TRAPPC9: variants seen among roughly 807,000 people sequenced by gnomAD.
TRAPPC9 encodes IKK2 binding protein.
A neutral mutation model predicts 124.0 loss-of-function variants in TRAPPC9; 83 were observed. The observed-to-expected ratio is 0.67, with a 90% CI of 0.56 to 0.80. TRAPPC9 has a LOEUF of 0.80. Among genes scored for constraint, TRAPPC9 ranks in the 30% least tolerant of loss-of-function variants. TRAPPC9 has a pLI of 0.00. For missense variants in TRAPPC9, 1,302 were observed against 1,508.3 expected (o/e 0.86, Z 2.27); for synonymous variants, 638 against 617.5 (o/e 1.03, Z -0.49).
chr8:139,965,122 G>A (rs901534199), intron 19 of TRAPPC9, among the ~76,000 whole-genome samples: 1 of 152,274 alleles, frequency 6.6e-6, no homozygotes, highest in African/African-American at 2.4e-5. Flanking sequence ...GGGGACACAG[G>A]GCCCAGCTGC....
In TRAPPC9 at chr8:139,774,069, C is replaced by T. The variant is rs559453420; in HGVS notation, c.3056-41867G>A. ...GGCTGGAGCTGCAGGCTGCTGAGAG[C>T]GCAGTGGGAGAGAGACAAGCTCCCC... On this transcript the variant is annotated intron_variant, in intron 21 of 22. Transcript: ENST00000438773. Among the ~76,000 whole-genome samples the T allele has an allele frequency of 3.9e-5, 6 of 152,254 alleles. No homozygotes were observed. In the East Asian group the frequency reaches 5.8e-4, roughly 15 times the overall value.
At chr8:139,859,287 C>T (rs984618363) in intron 21 of TRAPPC9, among the ~76,000 whole-genome samples, 3 of 151,980 alleles carry the variant, frequency 2.0e-5, no homozygotes, top group African/African-American at 4.8e-5. Flanking sequence ...GCTTTTAGGC[C>T]GGCTCCTTTC....
intron 9 of TRAPPC9, among the ~76,000 whole-genome samples, chr8:140,326,022 T>C (rs2066726058): frequency 6.6e-6 from 1 of 152,138 alleles, no homozygotes; most frequent in African/African-American, 2.4e-5. Flanking sequence ...GATATACAAA[T>C]GGATACACAA....
intron 22 of TRAPPC9, 85 bp from the exon 23 acceptor site, chr8:139,731,313 A>T (rs1037054705): frequency 3.3e-6 from 5 of 1,532,634 alleles, no homozygotes; most frequent in Admixed American, 1.9e-5. Flanking sequence ...ATCTGCCTGG[A>T]CATAGGTGTT....
intron 21 of TRAPPC9, among the ~76,000 whole-genome samples, chr8:139,840,539 C>T (rs529645323): frequency 2.6e-5 from 4 of 152,170 alleles, no homozygotes; most frequent in Admixed American, 6.5e-5. Flanking sequence ...AATTGGAGGT[C>T]GGCGAGGGTA....
At chr8:139,925,487 C>A (rs1258174965) in intron 19 of TRAPPC9, among the ~76,000 whole-genome samples, 1 of 152,146 alleles carries the variant, frequency 6.6e-6, no homozygotes, top group Non-Finnish European at 1.5e-5. Flanking sequence ...GTGGCTCACG[C>A]CTGTAATCCC....
chr8:140,451,438 C>T (rs1255638967), intron 1 of TRAPPC9, 55 bp from the exon 2 acceptor site: 1 of 1,472,736 alleles, frequency 6.8e-7, no homozygotes, highest in East Asian at 2.3e-5. Context: ...GTGCTGAGAG[C>T]CTACCCTGGG....
rs895543368 is a variant in TRAPPC9 at position 139,742,719 on chromosome 8, A to G, written c.3056-10517T>C. Among the ~76,000 whole-genome samples, 2 of 152,146 alleles carry G rather than the reference A, an allele frequency of 1.3e-5. No homozygotes were observed. Among genetic ancestry groups the G allele is most frequent in the African/African-American group, 4.8e-5 (2 of 41,422 alleles). On this transcript the variant is annotated intron_variant, in intron 21 of 22. Coordinates refer to ENST00000438773, the MANE Select transcript of TRAPPC9 (RefSeq NM_001160372.4). The surrounding 1 kb of genome is among the most constrained non-coding windows in gnomAD (Gnocchi z 4.7). Reference sequence around the variant, plus strand: ...AGCAGGTCAGATGGGCCCAGCATGCACGGTTGCTTTCAACTCTGATCTGCA... The same window carrying G: ...AGCAGGTCAGATGGGCCCAGCATGCGCGGTTGCTTTCAACTCTGATCTGCA...
chr8:140,311,382 G>A lies in TRAPPC9; in HGVS notation c.1496-8C>T. 1 of 1,613,278 alleles carries A rather than the reference G, an allele frequency of 6.2e-7. No individual in the cohort carries two copies. Among genetic ancestry groups the A allele is most frequent in the Non-Finnish European group, 8.5e-7 (1 of 1,179,910 alleles). On this transcript the variant is annotated splice_polypyrimidine_tract_variant and splice_region_variant and intron_variant, in intron 9 of 22. Transcript: ENST00000438773. ...GGGCCACATCTTTCTTTTCTGAAGAGAAGATGAAAACAAAATAAAGATGTA... is the reference window on the plus strand; with the variant it reads ...GGGCCACATCTTTCTTTTCTGAAGAAAAGATGAAAACAAAATAAAGATGTA...
chr8:140,410,120 G>A (rs2069644567), intron 5 of TRAPPC9, among the ~76,000 whole-genome samples: 2 of 117,158 alleles, frequency 1.7e-5, no homozygotes, highest in South Asian at 6.4e-4. Flanking sequence ...CAGCCTGGGT[G>A]AGGGCATGAG....
intron 18 of TRAPPC9, among the ~76,000 whole-genome samples, chr8:140,023,643 G>A (rs112595705): frequency 3.3e-5 from 5 of 152,316 alleles, no homozygotes; most frequent in South Asian, 2.1e-4. Flanking sequence ...CAGGCTGGGC[G>A]GGAAATGTGT....
intron 14 of TRAPPC9, among the ~76,000 whole-genome samples, chr8:140,281,639 C>T (rs149644349): frequency 9.1e-4 from 139 of 152,270 alleles, no homozygotes; most frequent in African/African-American, 3.2e-3. Context: ...TTCCAGGGAT[C>T]CTGCTTTTGG....
chr8:140,410,379 T>C (rs931079929), intron 5 of TRAPPC9, among the ~76,000 whole-genome samples: 1 of 150,586 alleles, frequency 6.6e-6, no homozygotes, highest in Admixed American at 6.6e-5. Flanking sequence ...CTATTAAAAA[T>C]ACAAAATTTA....
chr8:139,788,538 G>A lies in TRAPPC9; in HGVS notation c.3056-56336C>T, dbSNP rs1437984641. 6.6e-6 allele frequency among the ~76,000 whole-genome samples: 1 copy of A among 152,200 alleles called. No individual in the cohort carries two copies. The highest frequency in any genetic ancestry group is 1.5e-5 in the Non-Finnish European group (1 of 68,038). On this transcript the variant is annotated intron_variant, in intron 21 of 22. Transcript: ENST00000438773. The surrounding 1 kb of genome is among the most constrained non-coding windows in gnomAD (Gnocchi z 4.9). ...CGGCCCATGGTCCTGGGGCATGGCA[G>A]CTGCTCAGGCAGTGCCAGCAGACCC...
intron 17 of TRAPPC9, among the ~76,000 whole-genome samples, chr8:140,175,509 C>T (rs1301920403): frequency 6.6e-6 from 1 of 152,060 alleles, no homozygotes; most frequent in Admixed American, 6.6e-5. Flanking sequence ...GAAATGAACG[C>T]CAAAGAGATT....
intron 19 of TRAPPC9, among the ~76,000 whole-genome samples, chr8:139,988,223 C>T (rs1431202371): frequency 3.3e-5 from 5 of 151,482 alleles, no homozygotes; most frequent in Admixed American, 6.6e-5. Context: ...AGCGATTCTC[C>T]TGCCTCAGCC....
intron 7 of TRAPPC9, among the ~76,000 whole-genome samples, chr8:140,387,879 T>C (rs1199178428): frequency 6.6e-6 from 1 of 152,160 alleles, no homozygotes; most frequent in Admixed American, 6.5e-5. Context: ...ACTGGGTATA[T>C]ACCGAAAGGA....
At chr8:140,000,308 G>A (rs1199913912) in intron 18 of TRAPPC9, among the ~76,000 whole-genome samples, 1 of 152,160 alleles carries the variant, frequency 6.6e-6, no homozygotes, top group Non-Finnish European at 1.5e-5. Flanking sequence ...TTGCCATTCA[G>A]GACATAGGCA....
At chr8:140,137,794 C>G (rs2061328015) in intron 17 of TRAPPC9, among the ~76,000 whole-genome samples, 2 of 152,152 alleles carry the variant, frequency 1.3e-5, no homozygotes, top group Admixed American at 6.5e-5. Flanking sequence ...TGAATTTTGT[C>G]CAAGTAACGA....
Sources: allele counts gnomAD v4.1 joint callset (sites outside exome capture counted in the v4.1 genomes callset), GRCh38; gene constraint gnomAD v4.1.1; non-coding constraint Gnocchi (gnomAD v3.1); transcripts MANE v1.5; gene names NCBI Gene and HGNC (gene_info 2026-07-23, HGNC 2026-07-21).